DNAAF5: variants seen among roughly 807,000 people sequenced by gnomAD.
The protein encoded by DNAAF5 is dynein axonemal assembly factor 5.
Under a neutral mutation model 75.8 loss-of-function variants are expected in DNAAF5, and 64 were observed. That is an observed-to-expected ratio of 0.84 (90% CI 0.69 to 1.04). The LOEUF is 1.04. Among genes scored for constraint, DNAAF5 ranks in the 50% least tolerant of loss-of-function variants. The pLI is 0.00. For missense variants in DNAAF5, 1,269 were observed against 1,178.5 expected (o/e 1.08, Z -1.12); for synonymous variants, 657 against 557.2 (o/e 1.18, Z -2.52).
At chr7:769,874 C>T (rs1452545527) in intron 8 of DNAAF5, among the ~76,000 whole-genome samples, 1 of 152,206 alleles carries the variant, frequency 6.6e-6, no homozygotes, top group Admixed American at 6.5e-5. Flanking sequence ...CTCCCGACCT[C>T]AGGTGACCTC....
intron 4 of DNAAF5, among the ~76,000 whole-genome samples, chr7:744,249 T>A (rs1782012193): frequency 6.6e-6 from 1 of 152,230 alleles, no homozygotes; most frequent in South Asian, 2.1e-4. Context: ...TTCATCCATG[T>A]CCCTACAAAG....
At chr7:759,529 C>G (rs1016322583) in intron 6 of DNAAF5, among the ~76,000 whole-genome samples, 1 of 152,192 alleles carries the variant, frequency 6.6e-6, no homozygotes, top group African/African-American at 2.4e-5. Flanking sequence ...AATTAAAAAC[C>G]TTTGCAGTCT....
At position 726,884 on chromosome 7, in the gene DNAAF5, G is replaced by A; in HGVS notation, c.164G>A (p.Arg55His). The change falls in exon 1 of 13, where the codon CGC becomes CAC. Residue 55 changes from arginine to histidine, a missense_variant. Physicochemically the swap from Arg to His is conservative, Grantham distance 29. Coordinates refer to ENST00000297440, the MANE Select transcript of DNAAF5 (RefSeq NM_017802.4). ...CGGCGCGCCTTGGAGGCCCTGCGGCGCGCGCTGGAGGAGCCAGGCCCTGCC... is the reference window on the plus strand; with the variant it reads ...CGGCGCGCCTTGGAGGCCCTGCGGCACGCGCTGGAGGAGCCAGGCCCTGCC... The part of the protein sequence containing the change: ...GRRRALEALR[R>H]ALEEPGPAAD... 1.5e-6 allele frequency: 2 copies of A among 1,327,062 alleles called. No homozygotes were observed. The highest frequency in any genetic ancestry group is 1.9e-6 in the Non-Finnish European group (2 of 1,040,754). The allele number at this position is 1,327,062 out of a possible 1,614,324, so 82.2% of individuals were successfully genotyped here. A position where few individuals can be genotyped will look rare whatever the true frequency, so the allele number is the denominator to read the frequency against.
intron 12 of DNAAF5, 58 bp from the exon 13 acceptor site, chr7:785,459 G>A (rs900488856): frequency 3.1e-6 from 5 of 1,589,070 alleles, no homozygotes; most frequent in Middle Eastern, 1.7e-4. Flanking sequence ...TTGCACGAGA[G>A]GTAAGATTGG....
intron 12 of DNAAF5, among the ~76,000 whole-genome samples, chr7:783,949 C>G (rs1359710627): frequency 2.0e-5 from 3 of 151,902 alleles, no homozygotes; most frequent in Non-Finnish European, 4.4e-5. Context: ...ATCTCCCTTC[C>G]CCACTGCACG....
intron 2 of DNAAF5, among the ~76,000 whole-genome samples, chr7:733,804 C>G (rs539835924): frequency 6.6e-6 from 1 of 152,264 alleles, no homozygotes; most frequent in African/African-American, 2.4e-5. Context: ...TTATAGTTTT[C>G]ATTGTAGAGA....
chr7:756,442 G>A (rs1458601244), intron 5 of DNAAF5, among the ~76,000 whole-genome samples: 3 of 152,228 alleles, frequency 2.0e-5, no homozygotes, highest in Non-Finnish European at 4.4e-5. Context: ...GTACAGAGGG[G>A]CTGGTGTGTA....
intron 12 of DNAAF5, among the ~76,000 whole-genome samples, chr7:784,831 A>T (rs1221973668): frequency 6.6e-6 from 1 of 151,980 alleles, no homozygotes; most frequent in East Asian, 1.9e-4. Context: ...CCACCTGAAG[A>T]CTCTGCAGGA....
At chr7:783,212 T>C (rs1260913058) in intron 12 of DNAAF5, among the ~76,000 whole-genome samples, 2 of 152,250 alleles carry the variant, frequency 1.3e-5, no homozygotes, top group African/African-American at 4.8e-5. Context: ...CCGTCCGCCA[T>C]TCTTCCTGGG....
At position 740,905 on chromosome 7, in the gene DNAAF5, G is replaced by A; in HGVS notation, c.867G>A (p.Leu289=). ...CCTTCTTCCACAAGCTCATCCCTCTGCTGCTCAGTAGCCTCAACGACGAGG... is the reference window on the plus strand; with the variant it reads ...CCTTCTTCCACAAGCTCATCCCTCTACTGCTCAGTAGCCTCAACGACGAGG... ...RYSFFHKLIP[L]LLSSLNDEVP... Residue 289 remains leucine, a synonymous_variant, in exon 3 of 13, where the codon CTG becomes CTA. Coordinates refer to ENST00000297440, the MANE Select transcript of DNAAF5 (RefSeq NM_017802.4). 2 of 1,613,938 alleles carry A rather than the reference G, an allele frequency of 1.2e-6. No individual in the cohort carries two copies. The highest frequency in any genetic ancestry group is 1.7e-6 in the Non-Finnish European group (2 of 1,180,024).
chr7:762,345 G>A, intron 7 of DNAAF5, among the ~76,000 whole-genome samples: 1 of 152,188 alleles, frequency 6.6e-6, no homozygotes, highest in Admixed American at 6.5e-5. Flanking sequence ...AAATTAGCCA[G>A]GCGTGTTGGC....
chr7:769,043 C>G (rs373178199), intron 8 of DNAAF5: 13 of 651,152 alleles, frequency 2.0e-5, no homozygotes, highest in East Asian at 1.4e-4. Flanking sequence ...ACCAGCTGGT[C>G]TCACCGCGAG....
chr7:733,111 G>T (rs959744901), intron 2 of DNAAF5, among the ~76,000 whole-genome samples: 2 of 152,048 alleles, frequency 1.3e-5, no homozygotes, highest in Non-Finnish European at 2.9e-5. Context: ...TTAATTTCTG[G>T]CTTCTCTATT....
intron 9 of DNAAF5, chr7:772,855 A>C (rs2128084406): frequency 6.6e-6 from 1 of 152,294 alleles, no homozygotes; most frequent in Admixed American, 6.5e-5. Context: ...TCTCAAAAAA[A>C]AGGAACGTGC....
chr7:778,905 C>T (rs1364859949), intron 11 of DNAAF5, among the ~76,000 whole-genome samples: 7 of 152,270 alleles, frequency 4.6e-5, no homozygotes, highest in South Asian at 2.1e-4. Flanking sequence ...GGGCACCTGC[C>T]GTGCAGGGCT....
At chr7:784,670 G>A (rs537360182) in intron 12 of DNAAF5, among the ~76,000 whole-genome samples, 1 of 152,290 alleles carries the variant, frequency 6.6e-6, no homozygotes, top group East Asian at 1.9e-4. Flanking sequence ...GTAAGCATGG[G>A]TTCATTTCCG....
rs779271163 is a variant in DNAAF5 at position 779,964 on chromosome 7, C to T, written c.2251C>T (p.Arg751Cys). 86 of 1,613,904 alleles carry T rather than the reference C, an allele frequency of 5.3e-5. No homozygotes were observed. Among genetic ancestry groups the T allele is most frequent in the Admixed American group, 3.2e-4 (19 of 59,992 alleles). ...CTCCCTCCTTCCAGAACTCTTAAAA[C>T]GCCTAGATGACGTGTCCAACGATGT... ...LIRIYPELLK[R>C]LDDVSNDVRM... Residue 751 changes from arginine (R) to cysteine (C), a missense_variant, in exon 12 of 13, where the codon CGC becomes TGC. By Grantham distance (180) the Arg-to-Cys change is radical. Transcript: ENST00000297440.
In DNAAF5 at chr7:754,489, T is replaced by C. The variant is rs1441060092; in HGVS notation, c.1025-100T>C. ...CAAGACTTGTTTTGAAATGGTGAGG[T>C]TGAAACTCACAGGTGTCCCTTAAAT... is the stretch of plus-strand genomic sequence containing the variant. On this transcript the variant is annotated intron_variant, in intron 4 of 12. Coordinates refer to ENST00000297440, the MANE Select transcript of DNAAF5 (RefSeq NM_017802.4). This position sits in a 1 kb window ranked among gnomAD's most constrained non-coding sequence, Gnocchi z 4.8. 23 of 991,702 alleles carry C rather than the reference T, an allele frequency of 2.3e-5. No homozygotes were observed. The highest frequency in any genetic ancestry group is 3.6e-5 in the Non-Finnish European group (23 of 635,618). The allele number at this position is 991,702 out of a possible 1,614,324, so 61.4% of individuals were successfully genotyped here.
intron 8 of DNAAF5, chr7:769,007 G>A: frequency 1.6e-6 from 1 of 608,068 alleles, no homozygotes; most frequent in Non-Finnish European, 3.0e-6. Context: ...CCTCCTGCCC[G>A]GCTGCGTGGG....
Sources: gnomAD v4.1 joint callset for allele counts (sites outside exome capture counted in the v4.1 genomes callset) on GRCh38, gnomAD v4.1.1 for gene constraint, Gnocchi (gnomAD v3.1) non-coding constraint, MANE v1.5 for transcripts, NCBI Gene and HGNC (gene_info 2026-07-23, HGNC 2026-07-21) for gene names.